Variants in TAF4 observed in about 807,000 individuals in gnomAD.
TAF4 encodes the protein transcription initiation factor TFIID subunit 4.
A neutral mutation model predicts 90.3 loss-of-function variants in TAF4; 9 were observed. The ratio of observed to expected loss-of-function variants is 0.10; its 90% confidence interval spans 0.06 to 0.17. The LOEUF (loss-of-function observed/expected upper bound fraction) is 0.17. Ranked by LOEUF, TAF4 falls within the 10% of genes least tolerant of loss-of-function variation. The pLI is 1.00. For missense variants in TAF4, 1,351 were observed against 1,370.7 expected, an observed-to-expected ratio of 0.99 and a Z score of 0.23; for synonymous variants, 818 against 638.9, an observed-to-expected ratio of 1.28 and a Z score of -4.23.
At chr20:61,977,268 G>A (rs899387453) in intron 14 of TAF4, among the ~76,000 whole-genome samples, 28 of 151,916 alleles carry the variant, frequency 1.8e-4, no homozygotes, top group South Asian at 8.3e-4. Flanking sequence ...ACCGCCCAGC[G>A]GGGCACGTGC....
At chr20:62,049,250 C>T (rs141011438) in intron 1 of TAF4, among the ~76,000 whole-genome samples, 1 of 152,258 alleles carries the variant, frequency 6.6e-6, no homozygotes, top group Non-Finnish European at 1.5e-5. Flanking sequence ...AAGCGGGGTT[C>T]CCAGGCTGAG....
At chr20:62,025,633 T>TA (rs2055870497) in intron 1 of TAF4, among the ~76,000 whole-genome samples, 1 of 152,222 alleles carries the variant, frequency 6.6e-6, no homozygotes, top group Non-Finnish European at 1.5e-5. Flanking sequence ...GTGAAGAAGG[T>TA]ACTTGCTTCC....
chr20:61,987,882 G>A (rs1304315420), intron 14 of TAF4, among the ~76,000 whole-genome samples: 4 of 152,200 alleles, frequency 2.6e-5, no homozygotes, highest in African/African-American at 7.2e-5. Context: ...CTGGAATAGT[G>A]CTCAGTGCTG....
At chr20:62,055,669 G>A (rs746636413) in intron 1 of TAF4, among the ~76,000 whole-genome samples, 2 of 152,156 alleles carry the variant, frequency 1.3e-5, no homozygotes, top group African/African-American at 4.8e-5. Context: ...TCTTTCCTTG[G>A]CCTGGATACA....
intron 1 of TAF4, among the ~76,000 whole-genome samples, chr20:62,040,512 G>A (rs994915146): frequency 1.3e-5 from 2 of 152,272 alleles, no homozygotes; most frequent in Admixed American, 6.5e-5. Flanking sequence ...GAATGATTCC[G>A]ATCCTGTACT....
At chr20:61,984,763 T>G (rs1036363493) in intron 14 of TAF4, among the ~76,000 whole-genome samples, 3 of 150,350 alleles carry the variant, frequency 2.0e-5, no homozygotes, top group African/African-American at 7.4e-5. Flanking sequence ...AGCGAGAGAC[T>G]GTCACTGACC....
intron 14 of TAF4, among the ~76,000 whole-genome samples, chr20:61,984,655 G>A (rs1041237239): frequency 3.0e-5 from 4 of 131,708 alleles, no homozygotes; most frequent in South Asian, 2.6e-4. Context: ...GCAGTGACAC[G>A]AGGGCAGTGC....
At chr20:61,988,454 T>A (rs920346315) in intron 14 of TAF4, among the ~76,000 whole-genome samples, 23 of 152,202 alleles carry the variant, frequency 1.5e-4, no homozygotes, top group African/African-American at 5.3e-4. Context: ...ACGTTTAACA[T>A]GAGGCTAAAC....
intron 1 of TAF4, among the ~76,000 whole-genome samples, chr20:62,047,701 G>A (rs1045220592): frequency 2.6e-5 from 4 of 152,226 alleles, no homozygotes; most frequent in Admixed American, 6.5e-5. Context: ...TGCCGTGAGC[G>A]CAGAGCGCAC....
chr20:62,000,933 G>A (rs1460584254), intron 9 of TAF4, among the ~76,000 whole-genome samples: 1 of 152,096 alleles, frequency 6.6e-6, no homozygotes, highest in Non-Finnish European at 1.5e-5. Context: ...CGGAAGGAGA[G>A]CTGTGAGTTG....
In TAF4 at chr20:62,064,974, A is replaced by G. The variant is rs181377867; in HGVS notation, c.837T>C (p.Thr279=). Residue 279 remains threonine, a synonymous_variant, in exon 1 of 15, where the codon ACT becomes ACC. Coordinates refer to ENST00000252996, the MANE Select transcript of TAF4 (RefSeq NM_003185.4). Reference sequence around the variant, plus strand: ...CGGGGTGGCCGGGCGGCCGGGCCAGAGTGGCGGGCGCGGGGGGTGGCGGGG... The same window carrying G: ...CGGGGTGGCCGGGCGGCCGGGCCAGGGTGGCGGGCGCGGGGGGTGGCGGGG... ...APPPPPPAPA[T]LARPPGHPAG... The G allele has an allele frequency of 0.68, 218,545 of 320,584 alleles. 73,304 individuals carry two copies. The highest frequency in any genetic ancestry group is 0.8 in the African/African-American group (26,487 of 33,044). 19.9% of individuals were successfully genotyped at this position (320,584 alleles called of 1,614,324 possible). A position where few individuals can be genotyped will look rare whatever the true frequency, so the allele number is the denominator to read the frequency against.
rs776134436 is a variant in TAF4, at chr20:62,064,512, G to T, written c.1299C>A (p.Ala433=). Residue 433 remains alanine, a synonymous_variant, in exon 1 of 15, where the codon GCC becomes GCA. Transcript: ENST00000252996. The stretch of plus-strand genomic sequence containing the variant: ...TCTGAGGCGGCTGCGGCAAGCGGGG[G>T]GCCAGCACGGTGGGCGTCAGGGTGG... ...IRATLTPTVL[A]PRLPQPPQNP... is the part of the protein sequence containing the mutation. 18 of 1,529,276 alleles carry T rather than the reference G, an allele frequency of 1.2e-5. No individual in the cohort carries two copies. The East Asian group carries it at 3.6e-4, about 31-fold the overall frequency. 94.7% of individuals were successfully genotyped at this position (1,529,276 alleles called of 1,614,324 possible).
intron 3 of TAF4, among the ~76,000 whole-genome samples, chr20:62,011,826 G>T (rs28382060): frequency 6.6e-6 from 1 of 152,168 alleles, no homozygotes; most frequent in Middle Eastern, 3.2e-3. Context: ...CACCAGCAGC[G>T]ACCAACACCA....
intron 1 of TAF4, among the ~76,000 whole-genome samples, chr20:62,044,242 A>G (rs529793872): frequency 1.6e-4 from 24 of 152,242 alleles, no homozygotes; most frequent in Non-Finnish European, 3.1e-4. Context: ...CAAGTTTTTC[A>G]ATTAAAATAA....
intron 1 of TAF4, among the ~76,000 whole-genome samples, chr20:62,030,753 C>G (rs954778858): frequency 2.6e-5 from 4 of 152,174 alleles, no homozygotes; most frequent in South Asian, 2.1e-4. Flanking sequence ...GTCTTATCTA[C>G]TTTTTAAACT....
intron 1 of TAF4, among the ~76,000 whole-genome samples, chr20:62,027,889 T>C (rs2145490417): frequency 6.6e-6 from 1 of 152,344 alleles, no homozygotes; most frequent in African/African-American, 2.4e-5. Flanking sequence ...CGCCTGCCCC[T>C]TGACCCCTCT....
At chr20:62,015,380 A>T (rs2123152408) in intron 1 of TAF4, among the ~76,000 whole-genome samples, 1 of 152,382 alleles carries the variant, frequency 6.6e-6, no homozygotes, top group South Asian at 2.1e-4. Flanking sequence ...CATTAATGTT[A>T]GCTTCAAAAA....
chr20:62,006,501 C>A lies in TAF4; in HGVS notation c.2223+9G>T. On this transcript the variant is annotated intron_variant, in intron 7 of 14. Coordinates refer to ENST00000252996, the MANE Select transcript of TAF4 (RefSeq NM_003185.4). The surrounding 1 kb of genome is among the most constrained non-coding windows in gnomAD (Gnocchi z 7.0). ...GGCTGTGCAGACCAGTCAGGCGCCC[C>A]TTCCATACCAGCGGTGTGGGTTGCC... is the stretch of plus-strand genomic sequence containing the variant. The A allele has an allele frequency of 2.0e-6, 3 of 1,507,142 alleles. No individual in the cohort carries two copies. Among genetic ancestry groups the A allele is most frequent in the Non-Finnish European group, 2.7e-6 (3 of 1,128,040 alleles). The allele number at this position is 1,507,142 out of a possible 1,614,324, so 93.4% of individuals were successfully genotyped here. A position where few individuals can be genotyped will look rare whatever the true frequency, so the allele number is the denominator to read the frequency against.
intron 1 of TAF4, among the ~76,000 whole-genome samples, chr20:62,048,492 C>T (rs2056006529): frequency 6.6e-6 from 1 of 152,092 alleles, no homozygotes; most frequent in Non-Finnish European, 1.5e-5. Context: ...CCCTGCTCTT[C>T]CCCTAACAGA....
Sources: allele counts gnomAD v4.1 joint callset (sites outside exome capture counted in the v4.1 genomes callset), GRCh38; gene constraint gnomAD v4.1.1; non-coding constraint Gnocchi (gnomAD v3.1); transcripts MANE v1.5; gene names NCBI Gene and HGNC (gene_info 2026-07-23, HGNC 2026-07-21).